The following FBXO42 variants were observed in gnomAD, a reference collection of about 807,000 sequenced individuals.
FBXO42 encodes the protein F-box only protein 42.
Under a neutral mutation model 71.7 loss-of-function variants are expected in FBXO42, and 12 were observed. The observed-to-expected ratio is 0.17, with a 90% confidence interval of 0.11 to 0.27. The LOEUF (loss-of-function observed/expected upper bound fraction) is 0.27. Ranked by LOEUF, FBXO42 falls within the 10% of genes least tolerant of loss-of-function variation. FBXO42 has a pLI of 1.00. For missense variants in FBXO42, 707 were observed against 911.9 expected (o/e 0.78, Z 2.89); for synonymous variants, 325 against 327.5 (o/e 0.99, Z 0.08).
chr1:16,282,946 A>T (rs947898328), intron 4 of FBXO42, among the ~76,000 whole-genome samples: 4 of 151,546 alleles, frequency 2.6e-5, no homozygotes, highest in African/African-American at 9.7e-5. Context: ...ACACCACTGC[A>T]GGCCAGCCTG....
intron 4 of FBXO42, among the ~76,000 whole-genome samples, chr1:16,286,410 G>A (rs907878824): frequency 6.6e-6 from 1 of 152,158 alleles, no homozygotes. Flanking sequence ...GCAGCAGGAC[G>A]GAATGAGTGC....
At chr1:16,306,533 C>A (rs1036259336) in intron 2 of FBXO42, among the ~76,000 whole-genome samples, 1 of 152,012 alleles carries the variant, frequency 6.6e-6, no homozygotes, top group Non-Finnish European at 1.5e-5. Flanking sequence ...ATTATTTACT[C>A]CAAAGCAAAG....
Position 16,253,703 on chromosome 1 carries a change from C to G in FBXO42, c.796G>C (p.Glu266Gln). 3.7e-6 allele frequency: 6 copies of G among 1,614,202 alleles called. No individual in the cohort carries two copies. Among genetic ancestry groups the G allele is most frequent in the Non-Finnish European group, 5.1e-6 (6 of 1,180,030 alleles). ...TTCGGCTTGGACCACGCCCACTGCTCAAGGTCAAGGACCCAGACATCATTG... is the reference window on the plus strand; with the variant it reads ...TTCGGCTTGGACCACGCCCACTGCTGAAGGTCAAGGACCCAGACATCATTG... ...MSNDVWVLDL[E>Q]QWAWSKPNIS... Residue 266 changes from glutamate to glutamine, a missense_variant, in exon 7 of 10, where the codon GAG becomes CAG. Physicochemically the swap from Glu to Gln is conservative, Grantham distance 29. Around this residue, in one of 5 missense-constraint regions of FBXO42, gnomAD observed 482 missense variants for 587.1 expected, o/e 0.82. Coordinates refer to ENST00000375592, the MANE Select transcript of FBXO42 (RefSeq NM_018994.3).
At chr1:16,289,400 T>C (rs1331623891) in intron 4 of FBXO42, among the ~76,000 whole-genome samples, 1 of 143,330 alleles carries the variant, frequency 7.0e-6, no homozygotes, top group African/African-American at 2.5e-5. Flanking sequence ...GGAGCAAGAT[T>C]GTCTCTTTAA....
intron 1 of FBXO42, among the ~76,000 whole-genome samples, chr1:16,343,872 G>A (rs1343947636): frequency 2.0e-5 from 3 of 151,378 alleles, no homozygotes; most frequent in Admixed American, 6.6e-5. Context: ...CTAGCTACTC[G>A]GGAGGCTGAG....
chr1:16,305,934 G>A lies in FBXO42; in HGVS notation c.251-15C>T. The A allele has an allele frequency of 5.1e-6, 8 of 1,560,466 alleles. No individual in the cohort carries two copies. The highest frequency in any genetic ancestry group is 7.1e-6 in the Non-Finnish European group (8 of 1,131,548). ...ATGGGCTACACCTAAGACAGAAAGA[G>A]CAAACCCTTCAGTCCAGACACTTAA... is the stretch of plus-strand genomic sequence containing the variant. On this transcript the variant is annotated splice_polypyrimidine_tract_variant and intron_variant, in intron 2 of 9. Coordinates refer to ENST00000375592, the MANE Select transcript of FBXO42 (RefSeq NM_018994.3).
At chr1:16,340,746 A>G (rs1208705930) in intron 1 of FBXO42, among the ~76,000 whole-genome samples, 3 of 152,232 alleles carry the variant, frequency 2.0e-5, no homozygotes, top group Non-Finnish European at 4.4e-5. Flanking sequence ...GGCTTAAAAT[A>G]CGGTTAATAA....
At chr1:16,314,833 G>A (rs935778903) in intron 2 of FBXO42, among the ~76,000 whole-genome samples, 2 of 151,130 alleles carry the variant, frequency 1.3e-5, no homozygotes, top group African/African-American at 2.4e-5. Context: ...GCAGTGAGCC[G>A]AGATTGCGCC....
intron 1 of FBXO42, among the ~76,000 whole-genome samples, chr1:16,320,181 G>C (rs1233712621): frequency 6.6e-6 from 1 of 151,718 alleles, no homozygotes; most frequent in Non-Finnish European, 1.5e-5. Flanking sequence ...CTAACATGGT[G>C]AAACCCCGTC....
rs1557605515 is a variant in FBXO42 at position 16,333,442 on chromosome 1, C to CT, written c.-17-18008_-17-18007insA. Among the ~76,000 whole-genome samples the CT allele has an allele frequency of 4.4e-5, 6 of 137,664 alleles. No individual in the cohort carries two copies. In the East Asian group the frequency reaches 1.1e-3, roughly 25 times the overall value. The allele number at this position is 137,664 out of a possible 152,430, so 90.3% of individuals were successfully genotyped here. On this transcript the variant is annotated intron_variant, in intron 1 of 9. Transcript: ENST00000375592. ...AGCCTGGGCAAATAGTGAGACCCCC[C>CT]CCCCCCATTTCCAAGAAGAAAAAAA...
At chr1:16,313,324 CAAAGAAAG>C (rs57296538) in intron 2 of FBXO42, among the ~76,000 whole-genome samples, 13,114 of 137,616 alleles carry the variant, frequency 0.095, 675 homozygotes, top group Middle Eastern at 0.13. Flanking sequence ...GAAAAGAAAA[CAAAGAAAG>C]AAAGAAAGAA....
In FBXO42 at chr1:16,319,177, G is replaced by GT. The variant is rs1352698071; in HGVS notation, c.-17-3743dup. The stretch of plus-strand genomic sequence containing the variant: ...CGGGGGGTGGGGAAGGAAACGAAGA[G>GT]TAATCTCGAAATATACTTTGGGGCT... On this transcript the variant is annotated intron_variant, in intron 1 of 9. Transcript: ENST00000375592. 8.5e-5 allele frequency among the ~76,000 whole-genome samples: 13 copies of GT among 152,256 alleles called. No homozygotes were observed. The South Asian group carries it at 2.7e-3, about 32-fold the overall frequency.
intron 4 of FBXO42, among the ~76,000 whole-genome samples, chr1:16,283,190 G>C (rs2081982704): frequency 6.6e-6 from 1 of 152,120 alleles, no homozygotes. Flanking sequence ...TGCAAAAAAT[G>C]ATTAAATTCA....
intron 4 of FBXO42, among the ~76,000 whole-genome samples, chr1:16,265,816 A>T (rs955614954): frequency 6.6e-6 from 1 of 151,958 alleles, no homozygotes; most frequent in African/African-American, 2.4e-5. Flanking sequence ...GGCCTCCTAA[A>T]GGAGCTCTAT....
chr1:16,315,077 A>G (rs2082350855), intron 2 of FBXO42, 92 bp downstream of exon 2: 20 of 1,384,160 alleles, frequency 1.4e-5, no homozygotes, highest in Non-Finnish European at 1.9e-5. Context: ...ACCATAATAC[A>G]TTTAAGGGAG....
intron 1 of FBXO42, among the ~76,000 whole-genome samples, chr1:16,342,854 G>A (rs773551052): frequency 1.3e-5 from 2 of 151,924 alleles, no homozygotes; most frequent in African/African-American, 2.4e-5. Flanking sequence ...CTGGCTCTCC[G>A]AAACTAGATT....
At chr1:16,292,323 CTT>C (rs2082087359) in intron 4 of FBXO42, 1 of 152,102 alleles carries the variant, frequency 6.6e-6, no homozygotes, top group East Asian at 1.9e-4. Context: ...CTTTCTCTTT[CTT>C]TGTTTCTTTT....
chr1:16,261,152 G>A (rs966399616), intron 4 of FBXO42, among the ~76,000 whole-genome samples: 1 of 152,142 alleles, frequency 6.6e-6, no homozygotes, highest in Non-Finnish European at 1.5e-5. Flanking sequence ...ATCTTAATCC[G>A]GTAAAGCCAA....
Position 16,352,338 on chromosome 1 carries a change from G to C in FBXO42, c.-101C>G, listed in dbSNP as rs1467413103. On this transcript the variant is annotated 5_prime_UTR_variant, in exon 1 of 10. Coordinates refer to ENST00000375592, the MANE Select transcript of FBXO42 (RefSeq NM_018994.3). Reference sequence around the variant, plus strand: ...CCAGGGACAGGGCCAGAGCAGAGGCGCTCTGCCTCAGGCCGCGACAGCCGT... The same window carrying C: ...CCAGGGACAGGGCCAGAGCAGAGGCCCTCTGCCTCAGGCCGCGACAGCCGT... The C allele has an allele frequency of 1.0e-5, 4 of 397,840 alleles. No individual in the cohort carries two copies. The highest frequency in any genetic ancestry group is 7.1e-5 in the East Asian group (2 of 28,058). The allele number at this position is 397,840 out of a possible 1,614,324, so 24.6% of individuals were successfully genotyped here. A position where few individuals can be genotyped will look rare whatever the true frequency, so the allele number is the denominator to read the frequency against.
Sources: allele counts gnomAD v4.1 joint callset (sites outside exome capture counted in the v4.1 genomes callset), GRCh38; gene constraint gnomAD v4.1.1; regional missense constraint gnomAD v4.1.1; transcripts MANE v1.5; gene names NCBI Gene and HGNC (gene_info 2026-07-23, HGNC 2026-07-21).